HNRNPK: variants seen among roughly 807,000 people sequenced by gnomAD.
The protein encoded by HNRNPK is heterogeneous nuclear ribonucleoprotein K, also known as dC-stretch binding protein.
A neutral mutation model predicts 67.0 loss-of-function variants in HNRNPK; 7 were observed. The observed-to-expected ratio is 0.10, with a 90% CI of 0.06 to 0.20. The LOEUF (loss-of-function observed/expected upper bound fraction) is 0.20, where lower values mean the gene tolerates loss of function less well. HNRNPK is among the 10% of genes least tolerant of loss of function. HNRNPK has a pLI of 1.00. For synonymous variants in HNRNPK, 213 were observed against 193.7 expected, an observed-to-expected ratio of 1.10 and a Z score of -0.83; for missense variants, 264 against 606.5, an observed-to-expected ratio of 0.44 and a Z score of 5.93.
At chr9:83,975,355 C>T (rs1202751457) in intron 6 of HNRNPK, 107 bp downstream of exon 6, 5 of 1,025,002 alleles carry the variant, frequency 4.9e-6, no homozygotes, top group African/African-American at 1.6e-5. Context: ...ACTTGAAAAA[C>T]AATACACCGT....
intron 10 of HNRNPK, 49 bp from the exon 11 acceptor site, chr9:83,972,238 G>A (rs759553484): frequency 1.5e-6 from 2 of 1,341,666 alleles, no homozygotes; most frequent in Admixed American, 2.2e-5. Flanking sequence ...AAAGAGTCCT[G>A]CTTCATACCA....
chr9:83,979,079 C>T (rs931678093), intron 1 of HNRNPK, among the ~76,000 whole-genome samples: 7 of 152,166 alleles, frequency 4.6e-5, no homozygotes, highest in Non-Finnish European at 7.3e-5. Flanking sequence ...TAAGGGAGTA[C>T]AACACAACAA....
chr9:83,980,521 T>C (rs555315444), upstream of HNRNPK: 1 of 152,834 alleles, frequency 6.5e-6, no homozygotes, highest in Non-Finnish European at 1.5e-5. Flanking sequence ...CGCGAACAAG[T>C]GGGACACAGG....
intron 10 of HNRNPK, 88 bp from the exon 11 acceptor site, chr9:83,972,277 T>C (rs1456867335): frequency 1.0e-6 from 1 of 974,744 alleles, no homozygotes; most frequent in Non-Finnish European, 1.5e-6. Context: ...TCAAACAAAA[T>C]GTAAGTCATT....
chr9:83,979,771 C>G (rs983058046), intron 1 of HNRNPK, among the ~76,000 whole-genome samples: 10 of 152,110 alleles, frequency 6.6e-5, no homozygotes, highest in Non-Finnish European at 1.0e-4. Flanking sequence ...CAGCCCTGAC[C>G]GTTCCATCCC....
At chr9:83,977,424 ATAAT>A (rs1474174830) in intron 4 of HNRNPK, among the ~76,000 whole-genome samples, 2 of 152,216 alleles carry the variant, frequency 1.3e-5, no homozygotes, top group Admixed American at 1.3e-4. Context: ...GAGTCCACAC[ATAAT>A]TAAGATTTAA....
chr9:83,969,902 G>A (rs766463523), intron 16 of HNRNPK: 19 of 618,526 alleles, frequency 3.1e-5, no homozygotes, highest in South Asian at 2.1e-4. Context: ...TTTTTAACAA[G>A]TGGTTTTGGC....
Position 83,971,263 on chromosome 9 carries a change from G to A in HNRNPK, c.1092+10C>T. 1 of 1,552,008 alleles carries A rather than the reference G, an allele frequency of 6.4e-7. No homozygotes were observed. The highest frequency in any genetic ancestry group is 8.9e-7 in the Non-Finnish European group (1 of 1,123,836). On this transcript the variant is annotated intron_variant, in intron 13 of 16. Transcript: ENST00000376263. ...CACTGATATACACACGAACAACTAT[G>A]ATACTCAACCTGTGGTTCATAAGCC...
chr9:83,970,072 G>T, intron 16 of HNRNPK, 90 bp downstream of exon 16: 1 of 1,065,748 alleles, frequency 9.4e-7, no homozygotes, highest in African/African-American at 1.6e-5. Flanking sequence ...GAGACACCAT[G>T]GCTTCTAAAA....
rs143686999 is a variant in HNRNPK at position 83,976,681 on chromosome 9, T to C, written c.213+314A>G. 1,598 of 221,738 alleles carry C rather than the reference T, an allele frequency of 7.2e-3. 34 individuals carry two copies. Among genetic ancestry groups the C allele is most frequent in the East Asian group, 0.027 (291 of 10,614 alleles). 13.7% of individuals were successfully genotyped at this position (221,738 alleles called of 1,614,324 possible). On this transcript the variant is annotated intron_variant, in intron 5 of 16. Transcript: ENST00000376263. The stretch of plus-strand genomic sequence containing the variant: ...CTGTAATTGATTCACACACAGGAAA[T>C]GGTGCAATCAAGGATTTTTACACTT...
At chr9:83,974,300 GT>G (rs34205556) in intron 7 of HNRNPK, among the ~76,000 whole-genome samples, 84,184 of 148,902 alleles carry the variant, frequency 0.57, 24,585 homozygotes, top group African/African-American at 0.71. Context: ...ATGACCACAG[GT>G]TAAGTTCACA....
At position 83,970,924 on chromosome 9, in the gene HNRNPK, A is replaced by G; in HGVS notation, c.1093-12T>C. 1 of 1,611,830 alleles carries G rather than the reference A, an allele frequency of 6.2e-7. No individual in the cohort carries two copies. Among genetic ancestry groups the G allele is most frequent in the Non-Finnish European group, 8.5e-7 (1 of 1,178,140 alleles). On this transcript the variant is annotated splice_polypyrimidine_tract_variant and intron_variant, in intron 13 of 16. Coordinates refer to ENST00000376263, the MANE Select transcript of HNRNPK (RefSeq NM_031263.4). ...TATCCGGAGCCACCCTAAAAACAGA[A>G]AGAAAAAAATAGAAAATTACTTTGC...
At chr9:83,970,856 G>GT in intron 14 of HNRNPK, 37 bp from the exon 15 acceptor site, 2 of 1,607,814 alleles carry the variant, frequency 1.2e-6, no homozygotes, top group Non-Finnish European at 1.7e-6. Context: ...CATTTAAAAA[G>GT]TATGAAATTA....
intron 9 of HNRNPK, 80 bp downstream of exon 9, chr9:83,973,206 G>A (rs138817029): frequency 2.3e-6 from 2 of 875,374 alleles, no homozygotes; most frequent in African/African-American, 1.7e-5. Flanking sequence ...GAGAGGGGAA[G>A]CGAGAGAAGC....
At chr9:83,974,664 TCATA>T (rs1956997097) in intron 6 of HNRNPK, 75 bp from the exon 7 acceptor site, 2 of 926,686 alleles carry the variant, frequency 2.2e-6, no homozygotes, top group Non-Finnish European at 3.4e-6. Context: ...TGTCACCAAA[TCATA>T]CAAACTTTCA....
In HNRNPK at chr9:83,969,724, AT is replaced by A. The variant is rs746695610; in HGVS notation, c.1362-285del. ...ATGCTAGTAAGGTGTGAAATGCTGC[AT>A]TTTACAGCACCAATCATTTGTCCTG... On this transcript the variant is annotated intron_variant, in intron 16 of 16. Coordinates refer to ENST00000376263, the MANE Select transcript of HNRNPK (RefSeq NM_031263.4). 3 of 636,814 alleles carry A rather than the reference AT, an allele frequency of 4.7e-6. No homozygotes were observed. In the East Asian group the frequency reaches 8.8e-5, roughly 19 times the overall value. The allele number at this position is 636,814 out of a possible 1,614,324, so 39.4% of individuals were successfully genotyped here.
chr9:83,978,266 A>C lies in HNRNPK; in HGVS notation c.-14T>G. 2 of 1,611,448 alleles carry C rather than the reference A, an allele frequency of 1.2e-6. No homozygotes were observed. Among genetic ancestry groups the C allele is most frequent in the Non-Finnish European group, 1.7e-6 (2 of 1,178,644 alleles). On this transcript the variant is annotated 5_prime_UTR_variant, in exon 3 of 17. Transcript: ENST00000376263. ...TTCAGTTTCCATATTCTTTTATTAA[A>C]CGGGCACACCAATCTGTGGAAAAAT...
At chr9:83,969,515 C>A in intron 16 of HNRNPK, 75 bp from the exon 17 acceptor site, 1 of 886,086 alleles carries the variant, frequency 1.1e-6, no homozygotes, top group South Asian at 1.4e-5. Flanking sequence ...AAGACAATTT[C>A]AATGCTAAAT....
At chr9:83,971,237 T>C in intron 13 of HNRNPK, 36 bp downstream of exon 13, 1 of 1,321,508 alleles carries the variant, frequency 7.6e-7, no homozygotes, top group Non-Finnish European at 1.1e-6. Flanking sequence ...TCTTAAATTA[T>C]CACTGATATA....
Sources: gnomAD v4.1 joint callset for allele counts (sites outside exome capture counted in the v4.1 genomes callset) on GRCh38, gnomAD v4.1.1 for gene constraint, MANE v1.5 for transcripts, NCBI Gene and HGNC (gene_info 2026-07-23, HGNC 2026-07-21) for gene names.